The following CAMK1G variants were observed in gnomAD, a reference collection of about 807,000 sequenced individuals.
CAMK1G encodes calcium/calmodulin dependent protein kinase IG.
Under a neutral mutation model 54.8 loss-of-function variants are expected in CAMK1G, and 27 were observed. The observed-to-expected ratio is 0.49, with a 90% CI of 0.36 to 0.68. The LOEUF (loss-of-function observed/expected upper bound fraction) is 0.68, where lower values mean the gene tolerates loss of function less well. Among genes scored for constraint, CAMK1G ranks in the 30% least tolerant of loss-of-function variants. The pLI is 0.00. For synonymous variants in CAMK1G, 238 were observed against 224.9 expected, an observed-to-expected ratio of 1.06 and a Z score of -0.52; for missense variants, 512 against 591.0, an observed-to-expected ratio of 0.87 and a Z score of 1.39.
intron 4 of CAMK1G, among the ~76,000 whole-genome samples, chr1:209,604,082 A>C (rs544957046): frequency 6.6e-6 from 1 of 152,318 alleles, no homozygotes; most frequent in South Asian, 2.1e-4. Flanking sequence ...ACGCACTCAC[A>C]CACCACTCTG....
intron 4 of CAMK1G, among the ~76,000 whole-genome samples, chr1:209,604,574 T>C (rs761794092): frequency 2.6e-5 from 4 of 152,194 alleles, no homozygotes; most frequent in Admixed American, 6.5e-5. Context: ...CCCTCATCAC[T>C]AGTTGGGCAT....
Position 209,609,912 on chromosome 1 carries a change from G to A in CAMK1G, c.810G>A (p.Lys270=). 6.2e-7 allele frequency: 1 copy of A among 1,614,090 alleles called. No homozygotes were observed. The change falls in exon 9 of 13, where the codon AAG becomes AAA. Residue 270 remains lysine (K), a synonymous_variant. Transcript: ENST00000361322. ...CGAACGAGCGGTACACCTGTGAGAAGGCCTTGAGTCATCCCTGGTGAGTGA... is the reference window on the plus strand; with the variant it reads ...CGAACGAGCGGTACACCTGTGAGAAAGCCTTGAGTCATCCCTGGTGAGTGA... ...KDPNERYTCE[K]ALSHPWIDGN...
chr1:209,611,588 C>T (rs756542528), intron 10 of CAMK1G, 36 bp downstream of exon 10: 18 of 1,587,906 alleles, frequency 1.1e-5, no homozygotes, highest in Admixed American at 1.7e-5. Context: ...GAAAGCTGTT[C>T]TGGGCCCCTG....
intron 6 of CAMK1G, among the ~76,000 whole-genome samples, chr1:209,607,378 C>T (rs928709070): frequency 6.6e-6 from 1 of 152,202 alleles, no homozygotes; most frequent in Non-Finnish European, 1.5e-5. Flanking sequence ...GGGAGACATA[C>T]TGCCTTTGCT....
chr1:209,612,666 C>T, intron 11 of CAMK1G, 119 bp from the exon 12 acceptor site: 2 of 766,282 alleles, frequency 2.6e-6, no homozygotes, highest in Non-Finnish European at 4.4e-6. Flanking sequence ...ACTTTCTGAA[C>T]CTCATGAGGG....
At chr1:209,589,030 AG>A (rs72014573) in intron 1 of CAMK1G, among the ~76,000 whole-genome samples, 32,604 of 152,196 alleles carry the variant, frequency 0.21, 3,713 homozygotes, top group East Asian at 0.37. Flanking sequence ...ATTGAGCCGA[AG>A]CTAGGAGGCA....
chr1:209,611,537 T>C lies in CAMK1G; in HGVS notation c.900T>C (p.Ala300=), dbSNP rs1487731484. 2 of 1,614,036 alleles carry C rather than the reference T, an allele frequency of 1.2e-6. No homozygotes were observed. The highest frequency in any genetic ancestry group is 3.3e-5 in the Admixed American group (2 of 60,014). ...SVSLQIQKNF[A]KSKWRQAFNA... is the part of the protein sequence containing the mutation. ...GCCTCCAGATCCAGAAGAACTTTGCTAAGAGCAAGTGGAGGGTAAGCTGTC... is the reference window on the plus strand; with the variant it reads ...GCCTCCAGATCCAGAAGAACTTTGCCAAGAGCAAGTGGAGGGTAAGCTGTC... The change falls in exon 10 of 13, where the codon GCT becomes GCC. Residue 300 remains alanine (A), a synonymous_variant. Coordinates refer to ENST00000361322, the MANE Select transcript of CAMK1G (RefSeq NM_020439.3).
At chr1:209,593,481 G>C (rs1665307248) in intron 1 of CAMK1G, among the ~76,000 whole-genome samples, 1 of 152,152 alleles carries the variant, frequency 6.6e-6, no homozygotes, top group African/African-American at 2.4e-5. Context: ...GGGGTAGACA[G>C]AGTGGAATAT....
intron 1 of CAMK1G, among the ~76,000 whole-genome samples, chr1:209,587,546 C>G (rs1346791263): frequency 6.6e-6 from 1 of 152,022 alleles, no homozygotes; most frequent in Non-Finnish European, 1.5e-5. Context: ...GAGGAGGTAG[C>G]AAATCCACCC....
chr1:209,587,842 C>G (rs1665141061), intron 1 of CAMK1G, among the ~76,000 whole-genome samples: 1 of 151,110 alleles, frequency 6.6e-6, no homozygotes, highest in Admixed American at 6.6e-5. Context: ...GCCTTTTACC[C>G]TTTTGTAACC....
intron 11 of CAMK1G, 62 bp downstream of exon 11, chr1:209,612,278 A>G: frequency 1.3e-6 from 2 of 1,561,304 alleles, no homozygotes; most frequent in South Asian, 2.3e-5. Flanking sequence ...GGTCAACAGG[A>G]CTGAAAGAAA....
intron 8 of CAMK1G, 41 bp from the exon 9 acceptor site, chr1:209,609,810 A>G: frequency 6.2e-7 from 1 of 1,602,560 alleles, no homozygotes; most frequent in Non-Finnish European, 8.6e-7. Flanking sequence ...CAGTCATGAA[A>G]TCTGGTCCTT....
intron 8 of CAMK1G, among the ~76,000 whole-genome samples, chr1:209,609,417 G>A (rs1449272591): frequency 2.0e-5 from 3 of 152,166 alleles, no homozygotes; most frequent in African/African-American, 7.2e-5. Context: ...AAACTAAGGG[G>A]TTAGATATCA....
chr1:209,591,194 G>T (rs1396830466), intron 1 of CAMK1G, among the ~76,000 whole-genome samples: 1 of 152,152 alleles, frequency 6.6e-6, no homozygotes, highest in African/African-American at 2.4e-5. Context: ...ACCACTGCCA[G>T]TGAGACCTCC....
chr1:209,610,993 G>A (rs772361273), intron 9 of CAMK1G, among the ~76,000 whole-genome samples: 1 of 152,178 alleles, frequency 6.6e-6, no homozygotes, highest in Non-Finnish European at 1.5e-5. Flanking sequence ...GCAAGGTTTT[G>A]AGCTAAAGGA....
chr1:209,610,941 C>T (rs985569716), intron 9 of CAMK1G, among the ~76,000 whole-genome samples: 10 of 152,164 alleles, frequency 6.6e-5, no homozygotes, highest in South Asian at 4.1e-4. Flanking sequence ...CTGTACCAGA[C>T]GGCCTTACTG....
intron 2 of CAMK1G, among the ~76,000 whole-genome samples, chr1:209,599,502 G>A (rs774702662): frequency 5.9e-5 from 9 of 152,226 alleles, no homozygotes; most frequent in East Asian, 1.9e-4. Flanking sequence ...TCTCCCAAGC[G>A]TTAGTTGTGG....
In CAMK1G at chr1:209,612,891, C is replaced by T. The variant is rs376144719; in HGVS notation, c.*16C>T. ...CATTATGTGATTCCTGGAGCCTGTG[C>T]CTATGTCACTGCAATTTTCAGGTTA... is the stretch of plus-strand genomic sequence containing the variant. On this transcript the variant is annotated 3_prime_UTR_variant, in exon 12 of 13. Coordinates refer to ENST00000361322, the MANE Select transcript of CAMK1G (RefSeq NM_020439.3). 8.0e-5 allele frequency: 124 copies of T among 1,546,030 alleles called. No individual in the cohort carries two copies. In the African/African-American group the frequency reaches 1.5e-3, roughly 19 times the overall value.
chr1:209,603,062 A>G, intron 3 of CAMK1G, 152 bp from the exon 4 acceptor site: 1 of 653,654 alleles, frequency 1.5e-6, no homozygotes, highest in Non-Finnish European at 2.7e-6. Context: ...TTAATTTGTG[A>G]CAGTCTACTT....
Sources: allele counts gnomAD v4.1 joint callset (sites outside exome capture counted in the v4.1 genomes callset), GRCh38; gene constraint gnomAD v4.1.1; transcripts MANE v1.5; gene names NCBI Gene and HGNC (gene_info 2026-07-23, HGNC 2026-07-21).